RHOH: variants seen among roughly 807,000 people sequenced by gnomAD.
The protein encoded by RHOH is rho-related GTP-binding protein RhoH.
In RHOH, 6 loss-of-function variants were observed where a neutral mutation model predicts 13.8. That is an observed-to-expected ratio of 0.44 (90% confidence interval 0.24 to 0.86). RHOH has a LOEUF of 0.86. Ranked by LOEUF, RHOH falls within the 40% of genes least tolerant of loss-of-function variation. The pLI is 0.24. For missense variants in RHOH, 147 were observed against 244.5 expected (o/e 0.60, Z 2.66); for synonymous variants, 117 against 103.0 (o/e 1.14, Z -0.82).
intron 1 of RHOH, among the ~76,000 whole-genome samples, chr4:40,197,609 T>A (rs1723361359): frequency 6.6e-6 from 1 of 152,226 alleles, no homozygotes; most frequent in African/African-American, 2.4e-5. Context: ...ATGGGTAGTT[T>A]AAATACTACC....
At chr4:40,241,048 T>A (rs1002427672) in intron 1 of RHOH, among the ~76,000 whole-genome samples, 4 of 152,146 alleles carry the variant, frequency 2.6e-5, no homozygotes, top group African/African-American at 9.7e-5. Context: ...TAGAAATGTC[T>A]TAAGAGGTCT....
intron 1 of RHOH, among the ~76,000 whole-genome samples, chr4:40,197,639 T>C (rs1723369303): frequency 6.6e-6 from 1 of 152,190 alleles, no homozygotes; most frequent in African/African-American, 2.4e-5. Flanking sequence ...ATGAAGTAAA[T>C]CTAAAGATGC....
chr4:40,227,698 A>G (rs965007557), intron 1 of RHOH, among the ~76,000 whole-genome samples: 1 of 152,232 alleles, frequency 6.6e-6, no homozygotes, highest in Non-Finnish European at 1.5e-5. Flanking sequence ...TAAAAGATTA[A>G]TATCCTTAAT....
intron 1 of RHOH, among the ~76,000 whole-genome samples, chr4:40,224,023 C>T (rs1019033910): frequency 9.9e-5 from 15 of 152,068 alleles, no homozygotes; most frequent in African/African-American, 1.4e-4. Context: ...CTGCCTGCCT[C>T]GGCCTCCCAA....
chr4:40,210,853 A>C (rs1012423543), intron 1 of RHOH, among the ~76,000 whole-genome samples: 9 of 152,206 alleles, frequency 5.9e-5, no homozygotes, highest in Non-Finnish European at 1.3e-4. Context: ...ATGGTATTAA[A>C]ATTTCATGCA....
chr4:40,201,086 T>C (rs1723914119), intron 1 of RHOH, among the ~76,000 whole-genome samples: 1 of 152,212 alleles, frequency 6.6e-6, no homozygotes, highest in South Asian at 2.1e-4. Context: ...TCTCATCACA[T>C]TTGCCTGAGA....
At chr4:40,225,085 C>A (rs1022189160) in intron 1 of RHOH, among the ~76,000 whole-genome samples, 1 of 151,978 alleles carries the variant, frequency 6.6e-6, no homozygotes, top group Non-Finnish European at 1.5e-5. Context: ...ATTAAAAGAA[C>A]TTTTTGGTAG....
chr4:40,239,699 T>G lies in RHOH; in HGVS notation c.-330-3015T>G, dbSNP rs374855800. On this transcript the variant is annotated intron_variant, in intron 1 of 2. Coordinates refer to ENST00000381799, the MANE Select transcript of RHOH (RefSeq NM_004310.5). Reference sequence around the variant, plus strand: ...TTTGAGAGCAGTCTGGCCAACATGGTGAAACCCCATCTCCACTAAAAATAC... The same window carrying G: ...TTTGAGAGCAGTCTGGCCAACATGGGGAAACCCCATCTCCACTAAAAATAC... Among the ~76,000 whole-genome samples the G allele has an allele frequency of 2.6e-4, 39 of 152,036 alleles. No homozygotes were observed. In the South Asian group the frequency reaches 7.9e-3, roughly 31 times the overall value.
chr4:40,202,386 G>A (rs1462366367), intron 1 of RHOH, among the ~76,000 whole-genome samples: 5 of 152,140 alleles, frequency 3.3e-5, no homozygotes, highest in Admixed American at 6.5e-5. Flanking sequence ...AATGTGAGCC[G>A]TAAAAAAATG....
chr4:40,213,324 T>G (rs1379432637), intron 1 of RHOH, among the ~76,000 whole-genome samples: 1 of 151,534 alleles, frequency 6.6e-6, no homozygotes, highest in Non-Finnish European at 1.5e-5. Context: ...CTCACTCTTC[T>G]AGTTCCTGAC....
chr4:40,212,799 G>A (rs1725416497), intron 1 of RHOH: 1 of 152,228 alleles, frequency 6.6e-6, no homozygotes, highest in Non-Finnish European at 1.5e-5. Context: ...CTGGTAAGAT[G>A]CTCCCTGATG....
chr4:40,199,450 T>C (rs78333933), intron 1 of RHOH, among the ~76,000 whole-genome samples: 1,559 of 152,274 alleles, frequency 0.01, 23 homozygotes, highest in African/African-American at 0.036. Flanking sequence ...AGGGGTTGGG[T>C]GTTTTTCTAG....
intron 1 of RHOH, among the ~76,000 whole-genome samples, chr4:40,241,484 C>T (rs1002610133): frequency 2.0e-5 from 3 of 152,190 alleles, no homozygotes; most frequent in African/African-American, 7.2e-5. Flanking sequence ...ACCTGGCTTA[C>T]ATGTGTTTAA....
chr4:40,230,662 A>G (rs1727823734), intron 1 of RHOH, among the ~76,000 whole-genome samples: 1 of 152,018 alleles, frequency 6.6e-6, no homozygotes, highest in South Asian at 2.1e-4. Flanking sequence ...CCTGGCTCTC[A>G]GCCTGGACTT....
In RHOH at chr4:40,243,627, A is replaced by G. The variant is rs1729532222; in HGVS notation, c.241A>G (p.Met81Val). The part of the protein sequence containing the change: ...LSYQQADVVL[M>V]CYSVANHNSF... ...CTACCAGCAGGCAGACGTGGTGCTGATGTGCTACTCTGTGGCCAACCATAA... is the reference window on the plus strand; with the variant it reads ...CTACCAGCAGGCAGACGTGGTGCTGGTGTGCTACTCTGTGGCCAACCATAA... Residue 81 changes from methionine to valine, a missense_variant, in exon 3 of 3, where the codon ATG (methionine) becomes GTG (valine). Met to Val is a conservative substitution (Grantham distance 21). This residue lies in a region of RHOH where 80 missense variants were observed against 152.0 expected (regional missense o/e 0.53). Coordinates refer to ENST00000381799, the MANE Select transcript of RHOH (RefSeq NM_004310.5). This position sits in a 1 kb window ranked among gnomAD's most constrained non-coding sequence, Gnocchi z 6.2. The G allele has an allele frequency of 6.2e-7, 1 of 1,614,168 alleles. No individual in the cohort carries two copies. The highest frequency in any genetic ancestry group is 1.7e-5 in the Admixed American group (1 of 60,020).
chr4:40,208,824 G>A (rs1724939573), intron 1 of RHOH, among the ~76,000 whole-genome samples: 1 of 151,898 alleles, frequency 6.6e-6, no homozygotes, highest in South Asian at 2.1e-4. Flanking sequence ...TGTATAAGGT[G>A]ATAAAGGTGA....
At chr4:40,231,379 A>T (rs1339927983) in intron 1 of RHOH, among the ~76,000 whole-genome samples, 1 of 146,384 alleles carries the variant, frequency 6.8e-6, no homozygotes, top group African/African-American at 2.5e-5. Flanking sequence ...CTAGCTAAAG[A>T]TTTCATGTCA....
chr4:40,195,461 G>T (rs1723050351), upstream of RHOH, among the ~76,000 whole-genome samples: 1 of 135,130 alleles, frequency 7.4e-6, no homozygotes, highest in Admixed American at 8.6e-5. Flanking sequence ...CCTTCTGTCT[G>T]TCCCTCTCTC....
chr4:40,220,777 A>G (rs1726464794), intron 1 of RHOH, among the ~76,000 whole-genome samples: 1 of 152,190 alleles, frequency 6.6e-6, no homozygotes, highest in African/African-American at 2.4e-5. Flanking sequence ...TGTCATGTTA[A>G]TAGAACACTA....
Sources: gnomAD v4.1 joint callset for allele counts (sites outside exome capture counted in the v4.1 genomes callset) on GRCh38, gnomAD v4.1.1 for gene constraint, gnomAD v4.1.1 regional missense constraint, Gnocchi (gnomAD v3.1) non-coding constraint, MANE v1.5 for transcripts, NCBI Gene and HGNC (gene_info 2026-07-23, HGNC 2026-07-21) for gene names.